XPO7: variants seen among roughly 807,000 people sequenced by gnomAD.
The protein encoded by XPO7 is exportin-7.
Under a neutral mutation model 144.3 loss-of-function variants are expected in XPO7, and 21 were observed. The ratio of observed to expected loss-of-function variants is 0.15; its 90% CI spans 0.10 to 0.21. The LOEUF (loss-of-function observed/expected upper bound fraction) is 0.21, where lower values mean the gene tolerates loss of function less well. Ranked by LOEUF, XPO7 falls within the 10% of genes least tolerant of loss-of-function variation. The pLI, the probability that XPO7 is intolerant of heterozygous loss-of-function variation, is 1.00. For missense variants in XPO7, 808 were observed against 1,325.8 expected, an observed-to-expected ratio of 0.61 and a Z score of 6.06; for synonymous variants, 580 against 499.6, an observed-to-expected ratio of 1.16 and a Z score of -2.15.
At chr8:22,002,018 C>A in intron 24 of XPO7, 94 bp from the exon 25 acceptor site, 1 of 1,442,828 alleles carries the variant, frequency 6.9e-7, no homozygotes. Flanking sequence ...TTGAATTGGC[C>A]ACGGTACCCT....
intron 1 of XPO7, among the ~76,000 whole-genome samples, chr8:21,949,840 C>G (rs1339183512): frequency 6.6e-6 from 1 of 152,214 alleles, no homozygotes; most frequent in Non-Finnish European, 1.5e-5. Flanking sequence ...AGCGATTCTC[C>G]TGCCTTAGCC....
chr8:21,976,560 TC>T (rs746990296), intron 7 of XPO7, 39 bp downstream of exon 7: 2 of 1,585,004 alleles, frequency 1.3e-6, no homozygotes, highest in East Asian at 4.5e-5. Context: ...TGTCTGTCAC[TC>T]CCCTACAGAG....
At chr8:21,933,589 A>G (rs942041861) in intron 1 of XPO7, among the ~76,000 whole-genome samples, 4 of 152,170 alleles carry the variant, frequency 2.6e-5, no homozygotes, top group African/African-American at 4.8e-5. Context: ...AGACAGCATG[A>G]TTCTATTAAC....
At chr8:21,942,754 T>G (rs1191357554) in intron 1 of XPO7, among the ~76,000 whole-genome samples, 1 of 152,256 alleles carries the variant, frequency 6.6e-6, no homozygotes, top group Non-Finnish European at 1.5e-5. Flanking sequence ...CCCTTTGGTA[T>G]GCAGCAGTAT....
chr8:22,003,402 T>C, intron 26 of XPO7, 85 bp downstream of exon 26: 2 of 1,045,616 alleles, frequency 1.9e-6, no homozygotes, highest in Non-Finnish European at 2.8e-6. Flanking sequence ...GAAATGTGTA[T>C]AGAAACACCC....
chr8:21,950,925 C>A (rs951827671), intron 1 of XPO7, among the ~76,000 whole-genome samples: 1 of 151,164 alleles, frequency 6.6e-6, no homozygotes, highest in Non-Finnish European at 1.5e-5. Context: ...AGTTTGAGAC[C>A]AGCCTGGCCA....
chr8:21,976,262 C>T (rs1439000348), intron 6 of XPO7, 94 bp from the exon 7 acceptor site: 4 of 1,378,898 alleles, frequency 2.9e-6, no homozygotes, highest in Admixed American at 3.8e-5. Flanking sequence ...AACATATAGC[C>T]CTCCTTTTCT....
chr8:21,945,336 A>G (rs1811156910), intron 1 of XPO7, among the ~76,000 whole-genome samples: 1 of 147,888 alleles, frequency 6.8e-6, no homozygotes. Context: ...ATAGAAGTCT[A>G]ACATGCTGGT....
intron 1 of XPO7, among the ~76,000 whole-genome samples, chr8:21,958,073 A>G (rs1257980246): frequency 6.6e-6 from 1 of 152,218 alleles, no homozygotes; most frequent in Non-Finnish European, 1.5e-5. Context: ...AGTTGTACAG[A>G]CATTAATATG....
At chr8:22,002,322 A>G (rs770136425) in intron 25 of XPO7, 50 bp downstream of exon 25, 10 of 1,584,722 alleles carry the variant, frequency 6.3e-6, no homozygotes, top group Non-Finnish European at 8.6e-6. Flanking sequence ...CGACAGAGGA[A>G]GGACCTCTGC....
intron 8 of XPO7, among the ~76,000 whole-genome samples, chr8:21,979,291 T>C (rs1384008036): frequency 6.6e-6 from 1 of 152,006 alleles, no homozygotes; most frequent in African/African-American, 2.4e-5. Flanking sequence ...GTGATCTGCC[T>C]GTTTCAGCCT....
chr8:22,000,018 G>A (rs191172006), intron 24 of XPO7, among the ~76,000 whole-genome samples: 20 of 152,306 alleles, frequency 1.3e-4, no homozygotes, highest in African/African-American at 4.8e-4. Context: ...TGAGTACAAA[G>A]TGCTACACAA....
intron 27 of XPO7, 75 bp downstream of exon 27, chr8:22,004,105 T>A (rs781723571): frequency 2.0e-4 from 318 of 1,585,046 alleles, no homozygotes; most frequent in Non-Finnish European, 2.7e-4. Flanking sequence ...GCAGTTGCTT[T>A]AAAGTCTTTG....
intron 1 of XPO7, among the ~76,000 whole-genome samples, chr8:21,955,294 T>A (rs567232870): frequency 6.6e-6 from 1 of 152,024 alleles, no homozygotes; most frequent in Non-Finnish European, 1.5e-5. Context: ...GTATATGGGG[T>A]TTTTTTTCCT....
intron 11 of XPO7, among the ~76,000 whole-genome samples, chr8:21,983,872 T>TGCC (rs1293187476): frequency 2.0e-5 from 3 of 152,194 alleles, no homozygotes; most frequent in Non-Finnish European, 4.4e-5. Context: ...CTGCTGCTGC[T>TGCC]GCCATTATCA....
intron 1 of XPO7, among the ~76,000 whole-genome samples, chr8:21,938,902 G>A (rs898177814): frequency 1.3e-5 from 2 of 152,086 alleles, no homozygotes; most frequent in Non-Finnish European, 2.9e-5. Flanking sequence ...AGGAGCCTGG[G>A]CATTTTAAAT....
chr8:21,990,958 G>C, intron 18 of XPO7, 39 bp downstream of exon 18: 1 of 1,572,838 alleles, frequency 6.4e-7, no homozygotes, highest in Non-Finnish European at 8.7e-7. Flanking sequence ...AAGTCATCTG[G>C]CACTCTTCTA....
At position 21,994,369 on chromosome 8, in the gene XPO7, C is replaced by G. The variant is rs1043261742; in HGVS notation, c.2155C>G (p.Leu719Val). 3.1e-6 allele frequency: 5 copies of G among 1,611,946 alleles called. No homozygotes were observed. Among genetic ancestry groups the G allele is most frequent in the Non-Finnish European group, 4.2e-6 (5 of 1,178,504 alleles). Reference sequence around the variant, plus strand: ...TTTTTGCCTTCTACTACAGCGAACTCTAGTTGGCCTAGTAAGAGACCTGAG... The same window carrying G: ...TTTTTGCCTTCTACTACAGCGAACTGTAGTTGGCCTAGTAAGAGACCTGAG... ...SFNEQEAKRT[L>V]VGLVRDLRGI... Residue 719 changes from leucine to valine, a missense_variant, in exon 20 of 28, where the codon CTA becomes GTA. Physicochemically the swap from Leu to Val is conservative, Grantham distance 32. Transcript: ENST00000252512.
intron 21 of XPO7, 47 bp from the exon 22 acceptor site, chr8:21,998,708 C>G: frequency 6.4e-7 from 1 of 1,570,614 alleles, no homozygotes; most frequent in Non-Finnish European, 8.7e-7. Flanking sequence ...CCCCAGTCTT[C>G]CAAGAAAACA....
Sources: allele counts gnomAD v4.1 joint callset (sites outside exome capture counted in the v4.1 genomes callset), GRCh38; gene constraint gnomAD v4.1.1; transcripts MANE v1.5; gene names NCBI Gene and HGNC (gene_info 2026-07-23, HGNC 2026-07-21).